Variants in VPS37B observed in about 807,000 individuals in gnomAD.
VPS37B encodes VPS37B subunit of ESCRT-I, also known as vacuolar protein sorting-associated protein 37B.
In VPS37B, 11 loss-of-function variants were observed where a neutral mutation model predicts 21.2. The ratio of observed to expected loss-of-function variants is 0.52; its 90% CI spans 0.33 to 0.86. VPS37B has a LOEUF of 0.86. Ranked by LOEUF, VPS37B falls within the 40% of genes least tolerant of loss-of-function variation. The pLI is 0.03. For missense variants in VPS37B, 389 were observed against 374.8 expected (o/e 1.04, Z -0.31); for synonymous variants, 175 against 159.6 (o/e 1.10, Z -0.73).
At chr12:122,893,767 G>A (rs1473807843) in intron 1 of VPS37B, among the ~76,000 whole-genome samples, 2 of 150,192 alleles carry the variant, frequency 1.3e-5, no homozygotes, top group African/African-American at 4.9e-5. Context: ...ATCAAGTGGA[G>A]TCGCTCAGGC....
At position 122,870,085 on chromosome 12, in the gene VPS37B, C is replaced by T. The variant is rs541895903; in HGVS notation, c.283+805G>A. ...CCATTAACAAACAGCATAAGACAAA[C>T]GGGCAAACGTCATAAGACATCTGTT... On this transcript the variant is annotated intron_variant, in intron 2 of 3. Coordinates refer to ENST00000267202, the MANE Select transcript of VPS37B (RefSeq NM_024667.3). 2.1e-5 allele frequency: 3 copies of T among 143,878 alleles called. No homozygotes were observed. In the South Asian group the frequency reaches 6.5e-4, roughly 31 times the overall value. The allele number at this position is 143,878 out of a possible 1,614,324, so 8.9% of individuals were successfully genotyped here. A position where few individuals can be genotyped will look rare whatever the true frequency, so the allele number is the denominator to read the frequency against.
rs1379956750 is a variant in VPS37B, at chr12:122,895,945, G to C, written c.111+7C>G. 6.2e-7 allele frequency: 1 copy of C among 1,610,668 alleles called. No homozygotes were observed. Among genetic ancestry groups the C allele is most frequent in the Non-Finnish European group, 8.5e-7 (1 of 1,178,338 alleles). On this transcript the variant is annotated splice_region_variant and intron_variant, in intron 1 of 3. Coordinates refer to ENST00000267202, the MANE Select transcript of VPS37B (RefSeq NM_024667.3). ...ACAGCCGCCGCCTTAAGCCCAGCTC[G>C]GCTCACCTCCTCCATCTTCTGCACC...
In VPS37B at chr12:122,868,277, C is replaced by A. The variant is rs142016349; in HGVS notation, c.366+203G>T. On this transcript the variant is annotated intron_variant, in intron 3 of 3. Transcript: ENST00000267202. The surrounding 1 kb of genome is among the most constrained non-coding windows in gnomAD (Gnocchi z 5.5). ...TCTCTTGGCCCTCGCTCGGACCTGCCCTCACTCACCCCGCTGCTCCCTGGA... is the reference window on the plus strand; with the variant it reads ...TCTCTTGGCCCTCGCTCGGACCTGCACTCACTCACCCCGCTGCTCCCTGGA... Among the ~76,000 whole-genome samples, 1 of 152,224 alleles carries A rather than the reference C, an allele frequency of 6.6e-6. No individual in the cohort carries two copies. The highest frequency in any genetic ancestry group is 1.5e-5 in the Non-Finnish European group (1 of 68,012).
At chr12:122,894,189 G>A (rs955557287) in intron 1 of VPS37B, among the ~76,000 whole-genome samples, 4 of 152,152 alleles carry the variant, frequency 2.6e-5, no homozygotes, top group African/African-American at 7.2e-5. Context: ...GAGAAACTAA[G>A]CAAAGATTTT....
Position 122,867,715 on chromosome 12 carries a change from C to T in VPS37B, c.367-108G>A. The stretch of plus-strand genomic sequence containing the variant: ...CGCCCAGCTGCTTCCAACACTGCCC[C>T]CTCCCTGTAACCACCCAGAGGGCCT... On this transcript the variant is annotated intron_variant, in intron 3 of 3. Coordinates refer to ENST00000267202, the MANE Select transcript of VPS37B (RefSeq NM_024667.3). This position sits in a 1 kb window ranked among gnomAD's most constrained non-coding sequence, Gnocchi z 5.5. 1.3e-6 allele frequency: 2 copies of T among 1,482,972 alleles called. No individual in the cohort carries two copies. The highest frequency in any genetic ancestry group is 4.6e-5 in the East Asian group (2 of 43,364). 91.9% of individuals were successfully genotyped at this position (1,482,972 alleles called of 1,614,324 possible).
In VPS37B at chr12:122,867,044, C is replaced by A; in HGVS notation, c.*72G>T. ...GAGCCCTTGGCACAGAGCGGACCTCCAGCCTCCTTCCCGTGAGCAGAGCAC... is the reference window on the plus strand; with the variant it reads ...GAGCCCTTGGCACAGAGCGGACCTCAAGCCTCCTTCCCGTGAGCAGAGCAC... On this transcript the variant is annotated 3_prime_UTR_variant, in exon 4 of 4. Coordinates refer to ENST00000267202, the MANE Select transcript of VPS37B (RefSeq NM_024667.3). The surrounding 1 kb of genome is among the most constrained non-coding windows in gnomAD (Gnocchi z 5.5). 6.9e-7 allele frequency: 1 copy of A among 1,448,032 alleles called. No homozygotes were observed. The highest frequency in any genetic ancestry group is 1.4e-5 in the African/African-American group (1 of 70,260). 89.7% of individuals were successfully genotyped at this position (1,448,032 alleles called of 1,614,324 possible). A position where few individuals can be genotyped will look rare whatever the true frequency, so the allele number is the denominator to read the frequency against.
chr12:122,871,051 A>G lies in VPS37B; in HGVS notation c.122T>C (p.Val41Ala). The part of the protein sequence containing the change: ...MVQKMEETQN[V>A]QLNKEMTLAS... ...AAGTGTCATTTCTTTGTTAAGCTGA[A>G]CATTCTGTGTCTGCAAGGAACACAC... is the stretch of plus-strand genomic sequence containing the variant. Residue 41 changes from valine to alanine, a missense_variant, in exon 2 of 4, where the codon GTT (valine) becomes GCT (alanine). Physicochemically the swap from Val to Ala is moderately conservative, Grantham distance 64. Transcript: ENST00000267202. 6.2e-7 allele frequency: 1 copy of G among 1,614,118 alleles called. No individual in the cohort carries two copies. Among genetic ancestry groups the G allele is most frequent in the South Asian group, 1.1e-5 (1 of 91,068 alleles).
chr12:122,889,940 C>A (rs2034389611), intron 1 of VPS37B: 1 of 152,262 alleles, frequency 6.6e-6, no homozygotes, highest in South Asian at 2.1e-4. Context: ...TCCCTGCTTT[C>A]CTGCCTCTGT....
chr12:122,870,844 C>T, intron 2 of VPS37B, 46 bp downstream of exon 2: 1 of 1,561,946 alleles, frequency 6.4e-7, no homozygotes, highest in Non-Finnish European at 8.7e-7. Context: ...AAAATGTGTC[C>T]TTCTCTCAAC....
At chr12:122,890,580 G>C (rs530837330) in intron 1 of VPS37B, among the ~76,000 whole-genome samples, 1 of 152,002 alleles carries the variant, frequency 6.6e-6, no homozygotes, top group South Asian at 2.1e-4. Flanking sequence ...TTCCCACCTC[G>C]GCCTCCCAAA....
intron 1 of VPS37B, chr12:122,887,248 A>G (rs2034342551): frequency 6.6e-6 from 1 of 151,820 alleles, no homozygotes; most frequent in South Asian, 2.1e-4. Context: ...CCTCAAATCC[A>G]TCCTTCCCCT....
rs2033901367 is a variant in VPS37B at position 122,866,463 on chromosome 12, C to G, written c.*653G>C. ...GGGGACACAATTTGCTGTGCAAAGT[C>G]CCACTCGTGCGCTCCCCTCCCACAC... On this transcript the variant is annotated 3_prime_UTR_variant, in exon 4 of 4. Transcript: ENST00000267202. 6.6e-6 allele frequency: 1 copy of G among 152,454 alleles called. No homozygotes were observed. The highest frequency in any genetic ancestry group is 2.1e-4 in the South Asian group (1 of 4,836). 9.4% of individuals were successfully genotyped at this position (152,454 alleles called of 1,614,324 possible). A position where few individuals can be genotyped will look rare whatever the true frequency, so the allele number is the denominator to read the frequency against.
intron 1 of VPS37B, chr12:122,874,846 C>CTG (rs2034114821): frequency 6.6e-6 from 1 of 150,506 alleles, no homozygotes; most frequent in Admixed American, 6.6e-5. Context: ...TACTCGGAGG[C>CTG]TGAGGCAGAA....
rs1207775211 is a variant in VPS37B at position 122,870,951 on chromosome 12, G to A, written c.222C>T (p.Thr74=). 4 of 1,614,106 alleles carry A rather than the reference G, an allele frequency of 2.5e-6. No individual in the cohort carries two copies. The highest frequency in any genetic ancestry group is 3.4e-6 in the Non-Finnish European group (4 of 1,180,012). ...GAACCTGGAGTTCCTGGTATTTCTGGGTCAAGCGTGCTTTCAACGTGTCCA... is the reference window on the plus strand; with the variant it reads ...GAACCTGGAGTTCCTGGTATTTCTGAGTCAAGCGTGCTTTCAACGTGTCCA... ...PQLDTLKARL[T]QKYQELQVLF... Residue 74 remains threonine (T), a synonymous_variant, in exon 2 of 4, where the codon ACC becomes ACT. Coordinates refer to ENST00000267202, the MANE Select transcript of VPS37B (RefSeq NM_024667.3).
At chr12:122,890,406 A>G (rs1232334706) in intron 1 of VPS37B, among the ~76,000 whole-genome samples, 1 of 151,252 alleles carries the variant, frequency 6.6e-6, no homozygotes, top group Non-Finnish European at 1.5e-5. Context: ...ATCATGGCTC[A>G]CCACAGCCTC....
intron 1 of VPS37B, among the ~76,000 whole-genome samples, chr12:122,895,059 C>G (rs1032525164): frequency 6.6e-6 from 1 of 152,114 alleles, no homozygotes; most frequent in Admixed American, 6.5e-5. Context: ...TCCACGAACT[C>G]CCGTAACTCT....
chr12:122,877,475 G>A (rs544528045), intron 1 of VPS37B: 1 of 152,108 alleles, frequency 6.6e-6, no homozygotes, highest in Non-Finnish European at 1.5e-5. Flanking sequence ...TTGACCTCCT[G>A]AGCTCAAGCG....
chr12:122,871,984 A>C (rs905109773), intron 1 of VPS37B: 7 of 984,992 alleles, frequency 7.1e-6, no homozygotes, highest in Non-Finnish European at 8.4e-6. Context: ...GCGATTCCTT[A>C]CCCAGCGTGT....
intron 2 of VPS37B, chr12:122,870,295 TG>T (rs2033999755): frequency 6.6e-6 from 1 of 152,260 alleles, no homozygotes; most frequent in Non-Finnish European, 1.5e-5. Context: ...TGCTTCACAC[TG>T]CAGACCCTGG....
Sources: allele counts gnomAD v4.1 joint callset (sites outside exome capture counted in the v4.1 genomes callset), GRCh38; gene constraint gnomAD v4.1.1; non-coding constraint Gnocchi (gnomAD v3.1); transcripts MANE v1.5; gene names NCBI Gene and HGNC (gene_info 2026-07-23, HGNC 2026-07-21).